Variants in ADGRL2 observed in about 807,000 individuals in gnomAD.
The protein encoded by ADGRL2 is calcium-independent alpha-latrotoxin receptor 2.
Under a neutral mutation model 157.4 loss-of-function variants are expected in ADGRL2, and 44 were observed. The ratio of observed to expected loss-of-function variants is 0.28; its 90% CI spans 0.22 to 0.36. The LOEUF (loss-of-function observed/expected upper bound fraction) is 0.36. ADGRL2 is among the 10% of genes least tolerant of loss of function. The pLI is 1.00. For missense variants in ADGRL2, 1,510 were observed against 1,768.9 expected (o/e 0.85, Z 2.63); for synonymous variants, 585 against 624.7 (o/e 0.94, Z 0.95).
At chr1:81,917,859 A>G (rs935493728) in intron 3 of ADGRL2, among the ~76,000 whole-genome samples, 3 of 152,010 alleles carry the variant, frequency 2.0e-5, no homozygotes, top group Non-Finnish European at 4.4e-5. Flanking sequence ...TGGTAAACCC[A>G]TGAAGGTAAT....
chr1:81,341,971 G>T (rs1266739159), intron 1 of ADGRL2, among the ~76,000 whole-genome samples: 1 of 152,102 alleles, frequency 6.6e-6, no homozygotes, highest in African/African-American at 2.4e-5. Flanking sequence ...ATGGGTAGTG[G>T]TTACTATTTT....
intron 3 of ADGRL2, among the ~76,000 whole-genome samples, chr1:81,603,965 C>CTT (rs35950804): frequency 8.5e-4 from 112 of 131,928 alleles, no homozygotes; most frequent in African/African-American, 2.9e-3. Context: ...ATATCTTTTT[C>CTT]TTTTTTTTTT....
Position 81,943,984 on chromosome 1 carries a change from T to C in ADGRL2, c.1210+215T>C, listed in dbSNP as rs780845981. 1.3e-5 allele frequency among the ~76,000 whole-genome samples: 2 copies of C among 152,048 alleles called. No individual in the cohort carries two copies. Among genetic ancestry groups the C allele is most frequent in the Non-Finnish European group, 2.9e-5 (2 of 67,964 alleles). On this transcript the variant is annotated intron_variant, in intron 6 of 23. Transcript: ENST00000686636. This position sits in a 1 kb window ranked among gnomAD's most constrained non-coding sequence, Gnocchi z 5.6. ...CTTCAAGAAATTGTGGCATTATTAGTCAGCTTAAACTTTTTTCATTGCTAA... is the reference window on the plus strand; with the variant it reads ...CTTCAAGAAATTGTGGCATTATTAGCCAGCTTAAACTTTTTTCATTGCTAA...
intron 3 of ADGRL2, among the ~76,000 whole-genome samples, chr1:81,622,438 G>A (rs1358391627): frequency 6.6e-6 from 1 of 152,114 alleles, no homozygotes; most frequent in Non-Finnish European, 1.5e-5. Context: ...AAAATTAGCT[G>A]GGCGTGGTGG....
At chr1:81,482,988 A>G (rs1326936503) in intron 2 of ADGRL2, among the ~76,000 whole-genome samples, 2 of 152,074 alleles carry the variant, frequency 1.3e-5, no homozygotes, top group East Asian at 3.8e-4. Context: ...TTATGTATGA[A>G]TATACTCAAG....
chr1:81,800,272 G>GA (rs943969921), upstream of ADGRL2: 1 of 152,058 alleles, frequency 6.6e-6, no homozygotes, highest in East Asian at 1.9e-4. Context: ...TAACTACAAA[G>GA]AAAAAAATCA....
chr1:81,312,703 G>T (rs748195544), intron 1 of ADGRL2, among the ~76,000 whole-genome samples: 7 of 152,174 alleles, frequency 4.6e-5, no homozygotes, highest in Admixed American at 2.0e-4. Context: ...AAAAGCCATT[G>T]TATACTGGCT....
chr1:81,549,406 T>C (rs1400728105), intron 2 of ADGRL2, among the ~76,000 whole-genome samples: 2 of 152,218 alleles, frequency 1.3e-5, no homozygotes, highest in Non-Finnish European at 2.9e-5. Context: ...ACAAAGTTAC[T>C]TGACCTTTTT....
intron 2 of ADGRL2, among the ~76,000 whole-genome samples, chr1:81,540,748 C>A (rs1490883423): frequency 6.6e-6 from 1 of 152,036 alleles, no homozygotes; most frequent in Admixed American, 6.6e-5. Context: ...GATTTATTCT[C>A]AGGAAAGGGG....
chr1:81,767,316 A>T (rs914382923), intron 2 of ADGRL2, among the ~76,000 whole-genome samples: 1 of 152,130 alleles, frequency 6.6e-6, no homozygotes, highest in Non-Finnish European at 1.5e-5. Context: ...TTCTATGACC[A>T]GTCTTGCAAA....
intron 1 of ADGRL2, among the ~76,000 whole-genome samples, chr1:81,379,592 C>A (rs1022615141): frequency 6.6e-6 from 1 of 152,126 alleles, no homozygotes; most frequent in African/African-American, 2.4e-5. Flanking sequence ...TCAGACTGCT[C>A]GGAGGCCAGG....
intron 23 of ADGRL2, chr1:81,989,761 C>A: frequency 1.3e-6 from 2 of 1,596,952 alleles, no homozygotes. Flanking sequence ...GCTTGTGGGC[C>A]CCTGGTCCAG....
intron 2 of ADGRL2, among the ~76,000 whole-genome samples, chr1:81,874,835 A>G (rs982973954): frequency 2.6e-5 from 4 of 151,624 alleles, no homozygotes; most frequent in Non-Finnish European, 5.9e-5. Context: ...CCTCTCTAGT[A>G]GCTGTGATTA....
chr1:81,936,629 T>C, intron 3 of ADGRL2, 99 bp from the exon 4 acceptor site: 1 of 599,352 alleles, frequency 1.7e-6, no homozygotes, highest in East Asian at 2.8e-5. Flanking sequence ...TTTATGTTTC[T>C]GGTTGCTTAA....
chr1:81,524,196 T>C (rs1198368852), intron 2 of ADGRL2, among the ~76,000 whole-genome samples: 1 of 145,802 alleles, frequency 6.9e-6, no homozygotes, highest in Non-Finnish European at 1.5e-5. Context: ...CCATCTCTAC[T>C]AAAAAAAAAA....
At chr1:81,386,676 A>G (rs534030293) in intron 1 of ADGRL2, among the ~76,000 whole-genome samples, 2 of 152,316 alleles carry the variant, frequency 1.3e-5, no homozygotes, top group African/African-American at 2.4e-5. Context: ...ATCTGATGCA[A>G]ACAATTGGTG....
intron 1 of ADGRL2, among the ~76,000 whole-genome samples, chr1:81,748,225 TC>T (rs2085364066): frequency 6.6e-6 from 1 of 151,896 alleles, no homozygotes. Flanking sequence ...ACGCCTGTAA[TC>T]CCAGCATTTT....
intron 1 of ADGRL2, among the ~76,000 whole-genome samples, chr1:81,397,374 G>A (rs369937491): frequency 3.1e-5 from 4 of 130,870 alleles, no homozygotes; most frequent in African/African-American, 5.8e-5. Context: ...AGGCTGGAGT[G>A]CAGCTGTGCA....
intron 1 of ADGRL2, among the ~76,000 whole-genome samples, chr1:81,391,738 C>T (rs181775583): frequency 1.6e-4 from 25 of 152,240 alleles, no homozygotes; most frequent in African/African-American, 5.8e-4. Flanking sequence ...TCACTAAATG[C>T]TACTTAGTGT....
Sources: gnomAD v4.1 joint callset for allele counts (sites outside exome capture counted in the v4.1 genomes callset) on GRCh38, gnomAD v4.1.1 for gene constraint, Gnocchi (gnomAD v3.1) non-coding constraint, MANE v1.5 for transcripts, NCBI Gene and HGNC (gene_info 2026-07-23, HGNC 2026-07-21) for gene names.